ARAP2: variants seen among roughly 807,000 people sequenced by gnomAD.
ARAP2 encodes ArfGAP with RhoGAP domain, ankyrin repeat and PH domain 2.
In ARAP2, 148 loss-of-function variants were observed where a neutral mutation model predicts 194.5. The observed-to-expected ratio is 0.76, with a 90% CI of 0.67 to 0.87. The LOEUF is 0.87. Ranked by LOEUF, ARAP2 falls within the 40% of genes least tolerant of loss-of-function variation. The probability of loss-of-function intolerance (pLI) is 0.00; values close to 1 mark genes in which losing one functional copy is unlikely to be tolerated. For missense variants in ARAP2, 2,128 were observed against 1,989.7 expected, an observed-to-expected ratio of 1.07 and a Z score of -1.32; for synonymous variants, 695 against 683.5, an observed-to-expected ratio of 1.02 and a Z score of -0.26.
intron 15 of ARAP2, among the ~76,000 whole-genome samples, chr4:36,155,692 C>T (rs899059043): frequency 8.0e-5 from 12 of 150,286 alleles, no homozygotes; most frequent in African/African-American, 2.9e-4. Flanking sequence ...GACCGAGTCT[C>T]GCTGTGTCTC....
At position 36,048,524 on chromosome 4, in the gene ARAP2, G is replaced by T. The variant is rs557238140; in HGVS notation, n.370-1675C>A. 1.8e-4 allele frequency among the ~76,000 whole-genome samples: 28 copies of T among 152,182 alleles called. 1 individual carries two copies. In the South Asian group the frequency reaches 4.1e-3, roughly 23 times the overall value. On this transcript the variant is annotated intron_variant and non_coding_transcript_variant, in intron 3 of 12. Coordinates refer to the ARAP2 transcript ENST00000503225. ...GATGATGATTTTGATGCATGTTGCT[G>T]CAAAGGACATGATTTCCTTCCTTTT...
intron 8 of ARAP2, among the ~76,000 whole-genome samples, chr4:36,014,309 GGAA>G (rs1715276866): frequency 3.3e-4 from 28 of 85,202 alleles, no homozygotes; most frequent in East Asian, 1.1e-3. Context: ...AGAGAAGGAA[GGAA>G]AGAAAGAAAG....
chr4:36,124,280 T>C (rs1180623486), intron 22 of ARAP2, among the ~76,000 whole-genome samples: 1 of 151,780 alleles, frequency 6.6e-6, no homozygotes, highest in African/African-American at 2.4e-5. Context: ...TTTATATTTA[T>C]TTAACTTTTT....
At chr4:36,075,102 T>TGTTCCCAAAAC (rs1727960349) in intron 31 of ARAP2, among the ~76,000 whole-genome samples, 1 of 152,136 alleles carries the variant, frequency 6.6e-6, no homozygotes. Context: ...AAGCATATTA[T>TGTTCCCAAAAC]ATAATTGTGA....
At chr4:36,072,144 T>C (rs184457915) in intron 32 of ARAP2, among the ~76,000 whole-genome samples, 96 of 152,212 alleles carry the variant, frequency 6.3e-4, no homozygotes, top group African/African-American at 2.1e-3. Context: ...ATAAAGTAAG[T>C]TTCATTATGT....
intron 5 of ARAP2, among the ~76,000 whole-genome samples, chr4:36,027,403 T>C (rs1013133047): frequency 6.6e-6 from 1 of 151,678 alleles, no homozygotes; most frequent in Non-Finnish European, 1.5e-5. Context: ...TCGGTGCCTT[T>C]GTATTTGCTG....
intron 1 of ARAP2, among the ~76,000 whole-genome samples, chr4:36,232,453 G>A (rs1751670650): frequency 6.6e-6 from 1 of 152,196 alleles, no homozygotes. Context: ...TGCTATTGAT[G>A]TAAACAGCAA....
intron 20 of ARAP2, 29 bp from the exon 21 acceptor site, chr4:36,128,774 T>C (rs777350838): frequency 1.3e-6 from 2 of 1,524,858 alleles, no homozygotes; most frequent in African/African-American, 2.8e-5. Flanking sequence ...AGTTATACTT[T>C]AAAAGTCTAA....
At chr4:36,117,561 CATG>C (rs1254260204) in intron 24 of ARAP2, among the ~76,000 whole-genome samples, 1 of 151,588 alleles carries the variant, frequency 6.6e-6, no homozygotes, top group Non-Finnish European at 1.5e-5. Context: ...ATAATGTGTG[CATG>C]ATACCAATAT....
intron 15 of ARAP2, among the ~76,000 whole-genome samples, chr4:36,156,792 C>T (rs1269306192): frequency 2.6e-5 from 4 of 152,284 alleles, no homozygotes; most frequent in East Asian, 3.9e-4. Flanking sequence ...AAAATCATTG[C>T]TATTGAATTA....
At chr4:36,136,787 G>A (rs1261187525) in intron 19 of ARAP2, among the ~76,000 whole-genome samples, 1 of 117,426 alleles carries the variant, frequency 8.5e-6, no homozygotes, top group Non-Finnish European at 1.9e-5. Context: ...AAATATATGT[G>A]TGTGTGTGTG....
At chr4:36,073,607 A>G in intron 32 of ARAP2, 82 bp downstream of exon 32, 1 of 1,453,352 alleles carries the variant, frequency 6.9e-7, no homozygotes, top group Non-Finnish European at 9.3e-7. Flanking sequence ...AAGCCAATGA[A>G]GTAATTAATG....
chr4:36,044,656 C>T (rs1213148485), intron 5 of ARAP2, among the ~76,000 whole-genome samples: 1 of 151,794 alleles, frequency 6.6e-6, no homozygotes, highest in Non-Finnish European at 1.5e-5. Context: ...GGATAAAACC[C>T]CAAAAGCACA....
chr4:36,144,520 T>A (rs143516716), intron 19 of ARAP2, among the ~76,000 whole-genome samples: 144 of 151,944 alleles, frequency 9.5e-4, no homozygotes, highest in African/African-American at 3.3e-3. Flanking sequence ...TCATTAACCA[T>A]AATAATCTAA....
At chr4:36,030,939 G>A (rs1577593484) in intron 5 of ARAP2, among the ~76,000 whole-genome samples, 2 of 151,850 alleles carry the variant, frequency 1.3e-5, no homozygotes, top group East Asian at 3.9e-4. Context: ...AGACCATCCT[G>A]GCCAACATGG....
At chr4:36,091,757 T>A in intron 28 of ARAP2, 124 bp downstream of exon 28, 1 of 1,079,396 alleles carries the variant, frequency 9.3e-7, no homozygotes, top group African/African-American at 1.6e-5. Flanking sequence ...AAGCAAATCA[T>A]CAGCTTACCA....
chr4:36,124,853 T>C lies in ARAP2; in HGVS notation c.3746+9A>G. Reference sequence around the variant, plus strand: ...TGAAATGTCGAGAAAAGTTCATTCATCTACCCACCTATACAGGTGTTCAAT... The same window carrying C: ...TGAAATGTCGAGAAAAGTTCATTCACCTACCCACCTATACAGGTGTTCAAT... On this transcript the variant is annotated intron_variant, in intron 22 of 32. Coordinates refer to ENST00000303965, the MANE Select transcript of ARAP2 (RefSeq NM_015230.4). 8 of 1,565,140 alleles carry C rather than the reference T, an allele frequency of 5.1e-6. No individual in the cohort carries two copies. The highest frequency in any genetic ancestry group is 7.0e-6 in the Non-Finnish European group (8 of 1,145,262).
Position 36,128,614 on chromosome 4 carries a change from C to T in ARAP2, c.3559G>A (p.Ala1187Thr). The change falls in exon 21 of 33, where the codon GCT becomes ACT. Residue 1187 changes from alanine (A) to threonine (T), a missense_variant. By Grantham distance (58) the Ala-to-Thr change is moderately conservative. Coordinates refer to ENST00000303965, the MANE Select transcript of ARAP2 (RefSeq NM_015230.4). Reference protein sequence around the residue: ...AGKHQLEDVTAVLKSFLSDID... With the variant: ...AGKHQLEDVTTVLKSFLSDID... ...TCAGAGAGAAAACTTTTCAACACAG[C>T]CGTCACATCTTCAAGCTGATGTTTT... 6.2e-7 allele frequency: 1 copy of T among 1,612,898 alleles called. No individual in the cohort carries two copies. The highest frequency in any genetic ancestry group is 8.5e-7 in the Non-Finnish European group (1 of 1,179,476).
In ARAP2 at chr4:36,147,702, A is replaced by T. The variant is rs1293308668; in HGVS notation, c.3045T>A (p.Tyr1015Ter). The T allele has an allele frequency of 6.2e-7, 1 of 1,612,520 alleles. No homozygotes were observed. Among genetic ancestry groups the T allele is most frequent in the Non-Finnish European group, 8.5e-7 (1 of 1,179,402 alleles). Residue 1015 changes from tyrosine (Y) to a stop codon, truncating the protein, a stop_gained, in exon 18 of 33, where the codon TAT becomes TAA. Transcript: ENST00000303965. LOFTEE classifies it high-confidence loss of function. Reference protein sequence around the residue: ...LFAENLTEADYDLIGQLFYKD... With the variant: ...LFAENLTEAD Reference sequence around the variant, plus strand: ...TGTAGAAGAGTTGACCAATCAAATCATAGTCAGCTTCTGTTAAGTTTTCAG... The same window carrying T: ...TGTAGAAGAGTTGACCAATCAAATCTTAGTCAGCTTCTGTTAAGTTTTCAG...
Sources: gnomAD v4.1 joint callset for allele counts (sites outside exome capture counted in the v4.1 genomes callset) on GRCh38, gnomAD v4.1.1 for gene constraint, MANE v1.5 for transcripts, NCBI Gene and HGNC (gene_info 2026-07-23, HGNC 2026-07-21) for gene names.